The following RGS12 variants were observed in gnomAD, a reference collection of about 807,000 sequenced individuals.
RGS12 encodes regulator of G protein signaling 12, also known as regulator of G-protein signaling 12.
RGS12 carries 66 observed loss-of-function variants against 120.1 expected under a neutral mutation model. The ratio of observed to expected loss-of-function variants is 0.55; its 90% CI spans 0.45 to 0.67. The LOEUF (loss-of-function observed/expected upper bound fraction) is 0.67, where lower values mean the gene tolerates loss of function less well. Among genes scored for constraint, RGS12 ranks in the 30% least tolerant of loss-of-function variants. The pLI is 0.00. For synonymous variants in RGS12, 827 were observed against 804.7 expected, an observed-to-expected ratio of 1.03 and a Z score of -0.47; for missense variants, 1,859 against 1,957.7, an observed-to-expected ratio of 0.95 and a Z score of 0.95.
chr4:3,292,488 G>A (rs2110338785), upstream of RGS12, among the ~76,000 whole-genome samples: 1 of 152,294 alleles, frequency 6.6e-6, no homozygotes, highest in East Asian at 1.9e-4. Context: ...CCAGCTCCGG[G>A]CATCTGCCCA....
At chr4:3,348,866 C>T (rs1441597026) in intron 3 of RGS12, among the ~76,000 whole-genome samples, 1 of 152,142 alleles carries the variant, frequency 6.6e-6, no homozygotes, top group Non-Finnish European at 1.5e-5. Flanking sequence ...CAAGGCCAAG[C>T]CCAAGCCGAG....
At chr4:3,296,561 C>A (rs1038117477) in intron 1 of RGS12, among the ~76,000 whole-genome samples, 1 of 152,260 alleles carries the variant, frequency 6.6e-6, no homozygotes, top group Non-Finnish European at 1.5e-5. Flanking sequence ...TTACTCACAT[C>A]TGCAGATCCG....
rs143308809 is a variant in RGS12, at chr4:3,367,922, G to A, written c.1999-18494G>A. Among the ~76,000 whole-genome samples the A allele has an allele frequency of 4.1e-3, 617 of 152,342 alleles. 7 individuals are homozygous for A. Among genetic ancestry groups the A allele is most frequent in the African/African-American group, 0.014 (576 of 41,578 alleles). On this transcript the variant is annotated intron_variant, in intron 3 of 17. Transcript: ENST00000336727. Reference sequence around the variant, plus strand: ...GCCTGGGCTGCTTTGTGGGCTTTGCGAATAAACCACGTAGACAATGTGAAA... The same window carrying A: ...GCCTGGGCTGCTTTGTGGGCTTTGCAAATAAACCACGTAGACAATGTGAAA...
At chr4:3,313,991 T>C (rs1185667956) in intron 1 of RGS12, among the ~76,000 whole-genome samples, 1 of 151,832 alleles carries the variant, frequency 6.6e-6, no homozygotes, top group African/African-American at 2.4e-5. Context: ...TATTTTTTAA[T>C]GATGATTTTT....
chr4:3,436,437 A>T (rs984625451), intron 17 of RGS12, among the ~76,000 whole-genome samples: 4 of 152,114 alleles, frequency 2.6e-5, no homozygotes, highest in Admixed American at 2.6e-4. Flanking sequence ...GGCAGCACAG[A>T]TGATGTGGAG....
chr4:3,306,637 C>G (rs961194720), intron 1 of RGS12, among the ~76,000 whole-genome samples: 1 of 152,186 alleles, frequency 6.6e-6, no homozygotes, highest in Non-Finnish European at 1.5e-5. Context: ...GCTCCGGCAC[C>G]GAAGCCTCAG....
chr4:3,368,329 CTGTGTGTGTGCCTG>C (rs1399579433), intron 3 of RGS12, among the ~76,000 whole-genome samples: 1 of 151,838 alleles, frequency 6.6e-6, no homozygotes, highest in East Asian at 1.9e-4. Flanking sequence ...GAAAGTGTGC[CTGTGTGTGTGCCTG>C]TGTGTGTGTG....
intron 2 of RGS12, among the ~76,000 whole-genome samples, chr4:3,336,656 C>A (rs969875043): frequency 2.6e-5 from 4 of 152,148 alleles, no homozygotes; most frequent in African/African-American, 7.2e-5. Context: ...TTTATTTAGA[C>A]CGAATTGGTT....
At chr4:3,388,284 A>T (rs1719077177) in intron 4 of RGS12, among the ~76,000 whole-genome samples, 1 of 151,400 alleles carries the variant, frequency 6.6e-6, no homozygotes, top group Non-Finnish European at 1.5e-5. Flanking sequence ...TCATCAGCAC[A>T]CCCTGAATTT....
At chr4:3,375,834 C>T (rs928119919) in intron 3 of RGS12, among the ~76,000 whole-genome samples, 6 of 152,258 alleles carry the variant, frequency 3.9e-5, no homozygotes, top group African/African-American at 7.2e-5. Context: ...CAGAACCTCT[C>T]AGCACAGCTG....
intron 2 of RGS12, among the ~76,000 whole-genome samples, chr4:3,329,217 C>T (rs946003848): frequency 3.9e-5 from 6 of 152,126 alleles, no homozygotes; most frequent in Admixed American, 1.3e-4. Context: ...CTTCACATTC[C>T]ACTTTGAGTT....
At chr4:3,411,515 C>A (rs535808727) in intron 4 of RGS12, among the ~76,000 whole-genome samples, 1 of 152,244 alleles carries the variant, frequency 6.6e-6, no homozygotes, top group Non-Finnish European at 1.5e-5. Flanking sequence ...TAGCTTTCCA[C>A]GGGAGCTTTC....
Position 3,417,561 on chromosome 4 carries a change from G to T in RGS12, c.2761+20G>T. The T allele has an allele frequency of 6.2e-7, 1 of 1,610,656 alleles. No homozygotes were observed. The highest frequency in any genetic ancestry group is 8.5e-7 in the Non-Finnish European group (1 of 1,178,540). On this transcript the variant is annotated intron_variant, in intron 9 of 17. Transcript: ENST00000336727. ...CAGACGGTTTGTGGGGTGGCTCCTGGGCTGTGGTGTCCAGGCCAGGCAGCC... is the reference window on the plus strand; with the variant it reads ...CAGACGGTTTGTGGGGTGGCTCCTGTGCTGTGGTGTCCAGGCCAGGCAGCC...
intron 16 of RGS12, 118 bp from the exon 17 acceptor site, chr4:3,430,289 C>T: frequency 1.1e-6 from 1 of 892,396 alleles, no homozygotes; most frequent in Non-Finnish European, 1.7e-6. Context: ...TCTTGTTGAC[C>T]CACAGCTGAT....
At position 3,390,667 on chromosome 4, in the gene RGS12, CG is replaced by C. The variant is rs1719398937; in HGVS notation, c.2020+4233del. 6.6e-6 allele frequency among the ~76,000 whole-genome samples: 1 copy of C among 152,194 alleles called. No individual in the cohort carries two copies. Among genetic ancestry groups the C allele is most frequent in the South Asian group, 2.1e-4 (1 of 4,828 alleles). ...TCAGACCTGGCCATGGCGGAAGATT[CG>C]GGCTCCACCTGCAGCTCCACAGCTG... On this transcript the variant is annotated intron_variant, in intron 4 of 17. Coordinates refer to ENST00000336727, the MANE Select transcript of RGS12 (RefSeq NM_001394154.1). The surrounding 1 kb of genome is among the most constrained non-coding windows in gnomAD (Gnocchi z 4.6).
chr4:3,286,438 G>A, the RGS12 span, among the ~76,000 whole-genome samples: 8 of 152,232 alleles, frequency 5.3e-5, no homozygotes, highest in Non-Finnish European at 8.8e-5. Flanking sequence ...AGCAGCTTCT[G>A]TCACTCAACT....
intron 5 of RGS12, chr4:3,414,494 C>T (rs1722120112): frequency 3.4e-6 from 2 of 596,846 alleles, no homozygotes; most frequent in African/African-American, 1.9e-5. Context: ...CTGCAGCCCG[C>T]AGCACTGGAG....
At chr4:3,432,464 C>T (rs1446006360) in intron 17 of RGS12, among the ~76,000 whole-genome samples, 3 of 152,222 alleles carry the variant, frequency 2.0e-5, no homozygotes, top group Non-Finnish European at 2.9e-5. Context: ...CGCACCCACA[C>T]CCCGGCCCTG....
chr4:3,398,429 T>G (rs998664275), intron 4 of RGS12, among the ~76,000 whole-genome samples: 2 of 152,182 alleles, frequency 1.3e-5, no homozygotes, highest in African/African-American at 4.8e-5. Context: ...GGCCAAAAGT[T>G]TGAGACCAGC....
Sources: allele counts gnomAD v4.1 joint callset (sites outside exome capture counted in the v4.1 genomes callset), GRCh38; gene constraint gnomAD v4.1.1; non-coding constraint Gnocchi (gnomAD v3.1); transcripts MANE v1.5; gene names NCBI Gene and HGNC (gene_info 2026-07-23, HGNC 2026-07-21).